Variants in RAF1 observed in about 807,000 individuals in gnomAD.
RAF1 encodes the protein Raf-1 proto-oncogene, serine/threonine kinase.
RAF1 carries 27 observed loss-of-function variants against 81.1 expected under a neutral mutation model. That is an observed-to-expected ratio of 0.33 (90% CI 0.25 to 0.46). RAF1 has a LOEUF of 0.46. Among genes scored for constraint, RAF1 ranks in the 20% least tolerant of loss-of-function variants. The pLI is 1.00. For missense variants in RAF1, 598 were observed against 826.0 expected (o/e 0.72, Z 3.38); for synonymous variants, 298 against 294.0 (o/e 1.01, Z -0.14).
At position 12,611,962 on chromosome 3, in the gene RAF1, TGGA is replaced by T; in HGVS notation, c.305_307del (p.Leu102del). The T allele has an allele frequency of 1.2e-6, 2 of 1,613,974 alleles. No individual in the cohort carries two copies. The highest frequency in any genetic ancestry group is 1.7e-6 in the Non-Finnish European group (2 of 1,179,832). Reference sequence around the variant, plus strand: ...TTTGAGCTCTTACCCTTTGTGTTCGTGGAGAAGTCTGAACACTGCACAGCACTC... The same window carrying T: ...TTTGAGCTCTTACCCTTTGTGTTCGTGAAGTCTGAACACTGCACAGCACTC... On this transcript the variant is annotated inframe_deletion, in exon 3 of 18. Transcript: ENST00000442415.
chr3:12,598,085 T>C (rs1380383829), intron 11 of RAF1, among the ~76,000 whole-genome samples: 1 of 150,230 alleles, frequency 6.7e-6, no homozygotes, highest in Non-Finnish European at 1.5e-5. Context: ...ACTCACTGTA[T>C]TGAGCTCACT....
At chr3:12,661,494 G>A (rs550444916) in intron 1 of RAF1, among the ~76,000 whole-genome samples, 55 of 152,050 alleles carry the variant, frequency 3.6e-4, no homozygotes, top group Non-Finnish European at 3.4e-4. Flanking sequence ...ATCTCTTGCG[G>A]TCAGGAGTTC....
chr3:12,649,125 A>T (rs757084790), intron 1 of RAF1, among the ~76,000 whole-genome samples: 2 of 152,152 alleles, frequency 1.3e-5, no homozygotes, highest in Non-Finnish European at 2.9e-5. Context: ...AGAAAAAAAG[A>T]AAGAAAGAAA....
At chr3:12,591,626 C>A (rs1046328829) in intron 12 of RAF1, 82 bp downstream of exon 11, 1 of 1,277,612 alleles carries the variant, frequency 7.8e-7, no homozygotes, top group Non-Finnish European at 1.1e-6. Flanking sequence ...TCCCAACCTG[C>A]GGCACAGTCC....
At position 12,663,885 on chromosome 3, in the gene RAF1, G is replaced by A. The variant is rs2060965653; in HGVS notation, c.-99C>T. On this transcript the variant is annotated 5_prime_UTR_variant, in exon 1 of 18. Transcript: ENST00000442415. ...CTCGCCCGCTCCTCCTCCCCGCGGC[G>A]GGTGAGGGAGCGGGAGGCGGTCACA... 1 of 398,124 alleles carries A rather than the reference G, an allele frequency of 2.5e-6. No homozygotes were observed. The highest frequency in any genetic ancestry group is 4.4e-6 in the Non-Finnish European group (1 of 225,714). 24.7% of individuals were successfully genotyped at this position (398,124 alleles called of 1,614,324 possible).
At chr3:12,585,008 A>G in intron 16 of RAF1, 27 bp from the exon 16 acceptor site, 1 of 1,614,038 alleles carries the variant, frequency 6.2e-7, no homozygotes. Flanking sequence ...AGCTGAGCTA[A>G]TGGGGGGTGA....
chr3:12,640,859 C>T (rs1051501438), intron 1 of RAF1, among the ~76,000 whole-genome samples: 4 of 152,172 alleles, frequency 2.6e-5, no homozygotes, highest in African/African-American at 4.8e-5. Context: ...CATCTCATTA[C>T]TGGGCATATA....
At chr3:12,632,964 C>A (rs11721115) in intron 1 of RAF1, among the ~76,000 whole-genome samples, 8,424 of 152,286 alleles carry the variant, frequency 0.055, 323 homozygotes, top group Non-Finnish European at 0.083. Flanking sequence ...ACTACACTTA[C>A]TGAATCCTTG....
rs551688068 is a variant in RAF1, at chr3:12,584,776, T to C, written c.1863+71A>G. The C allele has an allele frequency of 2.2e-5, 35 of 1,613,206 alleles. No individual in the cohort carries two copies. In the South Asian group the frequency reaches 3.6e-4, roughly 17 times the overall value. On this transcript the variant is annotated intron_variant, in intron 17 of 17. Transcript: ENST00000442415. ...CTCCCTATAAAACAAAACAAAACAC[T>C]CCCACCTTATATTGCCATCTTTACG...
chr3:12,590,992 A>G lies in RAF1; in HGVS notation c.1254-18T>C, dbSNP rs1384583019. On this transcript the variant is annotated intron_variant, in intron 12 of 17. Transcript: ENST00000442415. Reference sequence around the variant, plus strand: ...GTGTTTTGCTGGGGAGGGGAGGGGAAGAGAGGAGAGGGAGGAGGAAAGTGC... The same window carrying G: ...GTGTTTTGCTGGGGAGGGGAGGGGAGGAGAGGAGAGGGAGGAGGAAAGTGC... 2.5e-6 allele frequency: 4 copies of G among 1,594,708 alleles called. No homozygotes were observed. In the South Asian group the frequency reaches 3.4e-5, roughly 13 times the overall value.
chr3:12,592,147 T>C (rs1395356410), intron 11 of RAF1: 2 of 360,310 alleles, frequency 5.6e-6, no homozygotes, highest in East Asian at 1.4e-4. Flanking sequence ...TTGGTTAAAC[T>C]ATTCACACCA....
intron 15 of RAF1, 172 bp from the exon 15 acceptor site, chr3:12,585,425 GA>G: frequency 1.0e-6 from 1 of 985,252 alleles, no homozygotes; most frequent in African/African-American, 1.7e-5. Context: ...AACAGCTCAG[GA>G]ATCCTTGTCT....
At position 12,608,727 on chromosome 3, in the gene RAF1, T is replaced by C. The variant is rs1250683571; in HGVS notation, c.581+39A>G. ...ATACCCTTTAAAGTATGTATACTCCTCATCCCTATCTTCCTTGGATAAAAG... is the reference window on the plus strand; with the variant it reads ...ATACCCTTTAAAGTATGTATACTCCCCATCCCTATCTTCCTTGGATAAAAG... On this transcript the variant is annotated intron_variant, in intron 5 of 17. Transcript: ENST00000442415. The C allele has an allele frequency of 5.0e-6, 8 of 1,601,600 alleles. No homozygotes were observed. In the Admixed American group the frequency reaches 1.0e-4, roughly 20 times the overall value.
At chr3:12,595,201 G>C (rs1252647281) in intron 11 of RAF1, among the ~76,000 whole-genome samples, 6 of 152,074 alleles carry the variant, frequency 3.9e-5, no homozygotes, top group Non-Finnish European at 8.8e-5. Flanking sequence ...CCAAGTAACT[G>C]GGACTACAAT....
intron 2 of RAF1, among the ~76,000 whole-genome samples, chr3:12,615,441 G>A (rs1433279102): frequency 6.6e-6 from 1 of 152,086 alleles, no homozygotes; most frequent in African/African-American, 2.4e-5. Flanking sequence ...ATAATTTCTA[G>A]AACCCACTGA....
chr3:12,613,351 C>A (rs2059273784), intron 2 of RAF1, among the ~76,000 whole-genome samples: 1 of 152,106 alleles, frequency 6.6e-6, no homozygotes, highest in African/African-American at 2.4e-5. Context: ...AACTGCCTAC[C>A]AGGTTCCTCC....
At chr3:12,653,992 CTT>C (rs57322131) in intron 1 of RAF1, among the ~76,000 whole-genome samples, 5 of 141,638 alleles carry the variant, frequency 3.5e-5, no homozygotes, top group Non-Finnish European at 3.1e-5. Flanking sequence ...TTTTCTTTTT[CTT>C]TTTTTTTTTT....
At chr3:12,635,546 G>T (rs1036145897) in intron 1 of RAF1, among the ~76,000 whole-genome samples, 9 of 145,440 alleles carry the variant, frequency 6.2e-5, no homozygotes, top group African/African-American at 2.3e-4. Context: ...TGAGACAGGA[G>T]AATCCCTTGA....
intron 11 of RAF1, among the ~76,000 whole-genome samples, chr3:12,595,009 TA>T (rs1159347654): frequency 6.6e-6 from 1 of 152,248 alleles, no homozygotes; most frequent in African/African-American, 2.4e-5. Context: ...TTCAGTCTGC[TA>T]GGATCAATGA....
Sources: allele counts gnomAD v4.1 joint callset (sites outside exome capture counted in the v4.1 genomes callset), GRCh38; gene constraint gnomAD v4.1.1; transcripts MANE v1.5; gene names NCBI Gene and HGNC (gene_info 2026-07-23, HGNC 2026-07-21).